The following MYH11 variants were observed in gnomAD, a reference collection of about 807,000 sequenced individuals.
MYH11 encodes the protein myosin heavy chain 11, also known as myosin-11.
In MYH11, 80 loss-of-function variants were observed where a neutral mutation model predicts 246.6. That is an observed-to-expected ratio of 0.32 (90% CI 0.27 to 0.39). The LOEUF is 0.39. Ranked by LOEUF, MYH11 falls within the 10% of genes least tolerant of loss-of-function variation. The probability of loss-of-function intolerance (pLI) is 1.00; values close to 1 mark genes in which losing one functional copy is unlikely to be tolerated. For synonymous variants in MYH11, 1,071 were observed against 1,015.5 expected (o/e 1.05, Z -1.04); for missense variants, 2,158 against 2,546.8 (o/e 0.85, Z 3.29).
chr16:15,834,072 C>CT (rs965022219), intron 2 of MYH11, among the ~76,000 whole-genome samples: 91 of 151,250 alleles, frequency 6.0e-4, no homozygotes, highest in South Asian at 1.9e-3. Context: ...TTCATATGCC[C>CT]TTTTTTTTTC....
Position 15,771,655 on chromosome 16 carries a change from G to C in MYH11, c.947C>G (p.Pro316Arg), listed in dbSNP as rs760694528. The C allele has an allele frequency of 6.2e-7, 1 of 1,613,924 alleles. No homozygotes were observed. The highest frequency in any genetic ancestry group is 1.1e-5 in the South Asian group (1 of 91,070). The change falls in exon 9 of 41, where the codon CCC becomes CGC. Residue 316 changes from proline to arginine, a missense_variant. Coordinates refer to ENST00000300036, the MANE Select transcript of MYH11 (RefSeq NM_002474.3). ...CTCATCATCCTGGGCTGCTGGGATG[G>C]GCACAAAGCCATTGGAGAGGAAGGT... Reference protein sequence around the residue: ...NYTFLSNGFVPIPAAQDDEMF... With the variant: ...NYTFLSNGFVRIPAAQDDEMF...
chr16:15,794,782 T>C (rs1430156297), intron 4 of MYH11, among the ~76,000 whole-genome samples: 2 of 151,984 alleles, frequency 1.3e-5, no homozygotes, highest in Admixed American at 1.3e-4. Flanking sequence ...GCAAACAGTA[T>C]GGACAGAGGT....
chr16:15,791,803 A>G (rs1447753104), intron 4 of MYH11: 1 of 151,384 alleles, frequency 6.6e-6, no homozygotes, highest in Admixed American at 6.6e-5. Context: ...TCTCCCAGGT[A>G]GCTGGGACTA....
At chr16:15,842,541 T>C (rs926776032) in intron 1 of MYH11, among the ~76,000 whole-genome samples, 2 of 151,210 alleles carry the variant, frequency 1.3e-5, no homozygotes. Flanking sequence ...GGTAGGAGGA[T>C]TGCTTGAGGT....
chr16:15,710,884 G>T (rs2039750722), intron 40 of MYH11, among the ~76,000 whole-genome samples: 1 of 151,992 alleles, frequency 6.6e-6, no homozygotes, highest in Admixed American at 6.6e-5. Flanking sequence ...CACCATGTTG[G>T]CCAGGCTGGT....
At chr16:15,752,890 A>G (rs1325930189) in intron 15 of MYH11, among the ~76,000 whole-genome samples, 1 of 151,962 alleles carries the variant, frequency 6.6e-6, no homozygotes, top group African/African-American at 2.4e-5. Flanking sequence ...AAATAAATAA[A>G]CAAAGCCTTC....
intron 3 of MYH11, among the ~76,000 whole-genome samples, chr16:15,807,660 G>A (rs779394851): frequency 1.3e-5 from 2 of 152,054 alleles, no homozygotes; most frequent in Admixed American, 1.3e-4. Flanking sequence ...ATCAGGACCC[G>A]CCTGGGGCTG....
intron 1 of MYH11, among the ~76,000 whole-genome samples, chr16:15,838,939 C>T (rs779569509): frequency 1.6e-4 from 24 of 151,454 alleles, no homozygotes; most frequent in Non-Finnish European, 2.8e-4. Context: ...TCTAACTGTG[C>T]GCTGCAAAAT....
intron 3 of MYH11, among the ~76,000 whole-genome samples, chr16:15,820,437 G>A (rs1473737294): frequency 6.8e-6 from 1 of 146,820 alleles, no homozygotes; most frequent in Non-Finnish European, 1.5e-5. Flanking sequence ...TCACACCATT[G>A]CACTCCAACC....
At position 15,714,689 on chromosome 16, in the gene MYH11, G is replaced by T. The variant is rs71376094; in HGVS notation, c.5786+220C>A. The T allele has an allele frequency of 0.033, 20,435 of 628,390 alleles. 525 individuals carry two copies. The highest frequency in any genetic ancestry group is 0.084 in the South Asian group (4,440 of 52,916). The allele number at this position is 628,390 out of a possible 1,614,324, so 38.9% of individuals were successfully genotyped here. A position where few individuals can be genotyped will look rare whatever the true frequency, so the allele number is the denominator to read the frequency against. On this transcript the variant is annotated intron_variant, in intron 40 of 40. Coordinates refer to ENST00000300036, the MANE Select transcript of MYH11 (RefSeq NM_002474.3). The stretch of plus-strand genomic sequence containing the variant: ...GATGGGAGACGGTCGATCGTTAAAG[G>T]ATCTAGAAGGTTAGCTGCTACCAGG...
intron 20 of MYH11, among the ~76,000 whole-genome samples, chr16:15,743,405 G>T (rs1762974829): frequency 6.6e-6 from 1 of 152,202 alleles, no homozygotes; most frequent in African/African-American, 2.4e-5. Flanking sequence ...GTGAACCCAG[G>T]TGATCCTCCT....
chr16:15,767,398 GC>G (rs1341129378), intron 9 of MYH11, among the ~76,000 whole-genome samples: 1 of 152,162 alleles, frequency 6.6e-6, no homozygotes, highest in African/African-American at 2.4e-5. Context: ...AAGAGTGGAA[GC>G]CACCTATATT....
chr16:15,821,098 A>T (rs755574535), intron 3 of MYH11, among the ~76,000 whole-genome samples: 3 of 152,146 alleles, frequency 2.0e-5, no homozygotes, highest in Non-Finnish European at 4.4e-5. Flanking sequence ...TCTCGAACTC[A>T]TGACCTCGAG....
chr16:15,833,413 G>GGAAGGA lies in MYH11; in HGVS notation c.345+4494_345+4495insTCCTTC, dbSNP rs1420702082. Among the ~76,000 whole-genome samples, 398 of 146,812 alleles carry GGAAGGA rather than the reference G, an allele frequency of 2.7e-3. 2 individuals carry two copies. The highest frequency in any genetic ancestry group is 9.5e-3 in the African/African-American group (370 of 38,974). ...GAAGGAAGGAAGGAAGGAAGGAAGG[G>GGAAGGA]AGGAACGAACTAACTAACTCGAGGC... On this transcript the variant is annotated intron_variant, in intron 2 of 40. Transcript: ENST00000300036.
intron 3 of MYH11, among the ~76,000 whole-genome samples, chr16:15,811,962 C>A (rs2043147726): frequency 1.3e-5 from 2 of 152,254 alleles, no homozygotes; most frequent in South Asian, 4.1e-4. Context: ...CCCCAGGGAC[C>A]CATGGAGGGG....
chr16:15,710,489 C>G (rs1395485524), intron 40 of MYH11, among the ~76,000 whole-genome samples: 3 of 152,064 alleles, frequency 2.0e-5, no homozygotes, highest in African/African-American at 7.2e-5. Context: ...CCACTGCACT[C>G]CAGCCTGGCA....
At chr16:15,748,244 G>A (rs1214087325) in intron 16 of MYH11, 76 bp from the exon 17 acceptor site, 1 of 1,599,016 alleles carries the variant, frequency 6.3e-7, no homozygotes, top group South Asian at 1.1e-5. Context: ...CCTCCTACCT[G>A]GATGACCCAC....
chr16:15,836,428 T>C (rs993566912), intron 2 of MYH11, among the ~76,000 whole-genome samples: 1 of 152,190 alleles, frequency 6.6e-6, no homozygotes, highest in African/African-American at 2.4e-5. Flanking sequence ...AGATGAAGTT[T>C]TGCTCTTATT....
At position 15,708,830 on chromosome 16, in the gene MYH11, G is replaced by C. The variant is rs111588143; in HGVS notation, c.5787-4707C>G. ...GGTGCATCACTGCGAAGTTTCCTGT[G>C]GGGGGGGCCCTCTGAAACAGAGAGA... On this transcript the variant is annotated intron_variant, in intron 40 of 40. Coordinates refer to ENST00000300036, the MANE Select transcript of MYH11 (RefSeq NM_002474.3). 321 of 1,605,916 alleles carry C rather than the reference G, an allele frequency of 2.0e-4. 1 individual carries two copies. Among genetic ancestry groups the C allele is most frequent in the Middle Eastern group, 8.3e-4 (5 of 6,034 alleles).
Sources: gnomAD v4.1 joint callset for allele counts (sites outside exome capture counted in the v4.1 genomes callset) on GRCh38, gnomAD v4.1.1 for gene constraint, MANE v1.5 for transcripts, NCBI Gene and HGNC (gene_info 2026-07-23, HGNC 2026-07-21) for gene names.